The following MED27 variants were observed in gnomAD, a reference collection of about 807,000 sequenced individuals.
The protein encoded by MED27 is mediator of RNA polymerase II transcription subunit 27.
MED27 carries 30 observed loss-of-function variants against 38.2 expected under a neutral mutation model. The observed-to-expected ratio is 0.79, with a 90% CI of 0.59 to 1.07. The LOEUF (loss-of-function observed/expected upper bound fraction) is 1.07, where lower values mean the gene tolerates loss of function less well. Among genes scored for constraint, MED27 ranks in the 50% least tolerant of loss-of-function variants. MED27 has a pLI of 0.00. For synonymous variants in MED27, 122 were observed against 153.5 expected (o/e 0.79, Z 1.52); for missense variants, 289 against 397.5 (o/e 0.73, Z 2.32).
At chr9:132,041,794 C>A (rs1833219203) in intron 2 of MED27, among the ~76,000 whole-genome samples, 1 of 152,244 alleles carries the variant, frequency 6.6e-6, no homozygotes, top group African/African-American at 2.4e-5. Context: ...TACGTGCAAA[C>A]ACGTTCGTGG....
chr9:131,944,052 T>A (rs1158216432), intron 3 of MED27, among the ~76,000 whole-genome samples: 1 of 152,124 alleles, frequency 6.6e-6, no homozygotes, highest in Admixed American at 6.5e-5. Flanking sequence ...AACCATCTCT[T>A]CCAGAAGGAC....
At chr9:131,891,207 C>T (rs1215864095) in intron 5 of MED27, among the ~76,000 whole-genome samples, 1 of 152,046 alleles carries the variant, frequency 6.6e-6, no homozygotes, top group African/African-American at 2.4e-5. Context: ...GGGCAAAAGG[C>T]ACAAAACGTG....
chr9:131,895,761 C>G (rs1283513308), intron 4 of MED27, among the ~76,000 whole-genome samples: 2 of 152,162 alleles, frequency 1.3e-5, no homozygotes, highest in African/African-American at 4.8e-5. Context: ...TATGTCCAAT[C>G]AATGGGTCAT....
chr9:132,075,384 C>T (rs1834023237), intron 2 of MED27, among the ~76,000 whole-genome samples: 1 of 152,204 alleles, frequency 6.6e-6, no homozygotes, highest in Non-Finnish European at 1.5e-5. Context: ...TGCTTAACCT[C>T]AGCAGGCCGG....
intron 2 of MED27, among the ~76,000 whole-genome samples, chr9:132,072,784 C>G (rs1403793907): frequency 6.6e-6 from 1 of 152,088 alleles, no homozygotes; most frequent in Non-Finnish European, 1.5e-5. Flanking sequence ...AAGTGATTTT[C>G]TCTCCTATTA....
intron 4 of MED27, among the ~76,000 whole-genome samples, chr9:131,897,735 C>T (rs1023107521): frequency 9.2e-5 from 14 of 152,084 alleles, no homozygotes; most frequent in Non-Finnish European, 1.9e-4. Context: ...TTCATTTACT[C>T]GTGTATATGT....
At chr9:131,950,623 C>G (rs1013615096) in intron 3 of MED27, among the ~76,000 whole-genome samples, 1 of 152,130 alleles carries the variant, frequency 6.6e-6, no homozygotes, top group Non-Finnish European at 1.5e-5. Flanking sequence ...CTAGTCATAA[C>G]CATACATTAA....
chr9:131,981,918 T>C (rs1831745807), intron 3 of MED27, among the ~76,000 whole-genome samples: 1 of 152,140 alleles, frequency 6.6e-6, no homozygotes, highest in Non-Finnish European at 1.5e-5. Flanking sequence ...GGGACTCCAG[T>C]CAGGAGGAAA....
intron 3 of MED27, among the ~76,000 whole-genome samples, chr9:132,006,620 C>T (rs1832362336): frequency 6.6e-6 from 1 of 151,700 alleles, no homozygotes. Flanking sequence ...ACTGCAGAAA[C>T]CTGGAGTTTT....
intron 2 of MED27, among the ~76,000 whole-genome samples, chr9:132,070,474 T>G (rs1833913386): frequency 6.6e-6 from 1 of 152,172 alleles, no homozygotes; most frequent in African/African-American, 2.4e-5. Flanking sequence ...GGAAGACCTC[T>G]TGAGCCCATA....
chr9:132,068,532 C>T (rs1374844134), intron 2 of MED27, among the ~76,000 whole-genome samples: 1 of 151,930 alleles, frequency 6.6e-6, no homozygotes, highest in Non-Finnish European at 1.5e-5. Flanking sequence ...AATGGAGGCC[C>T]GGGGAGAGGC....
rs1832126434 is a variant in MED27, at chr9:131,997,858, TCATTATTAAC to T, written c.479+16469_479+16478del. On this transcript the variant is annotated intron_variant, in intron 3 of 7. Coordinates refer to ENST00000292035, the MANE Select transcript of MED27 (RefSeq NM_004269.4). The surrounding 1 kb of genome is among the most constrained non-coding windows in gnomAD (Gnocchi z 4.0). ...ACATGAGTGCTCTATGCGGTGGCTT[TCATTATTAAC>T]CAGTCCGATGGTGTTCCTTCCCTCA... Among the ~76,000 whole-genome samples the T allele has an allele frequency of 6.6e-6, 1 of 152,172 alleles. No homozygotes were observed. Among genetic ancestry groups the T allele is most frequent in the Non-Finnish European group, 1.5e-5 (1 of 68,026 alleles).
intron 4 of MED27, among the ~76,000 whole-genome samples, chr9:131,933,052 G>A (rs973964936): frequency 6.6e-6 from 1 of 152,014 alleles, no homozygotes; most frequent in Non-Finnish European, 1.5e-5. Flanking sequence ...AAAAACATTT[G>A]ATAAAAACCA....
chr9:131,887,413 T>C (rs1328165140), intron 5 of MED27, among the ~76,000 whole-genome samples: 1 of 152,138 alleles, frequency 6.6e-6, no homozygotes, highest in African/African-American at 2.4e-5. Flanking sequence ...CTGGTGCGCA[T>C]GGGTGAAAAA....
rs76006957 is a variant in MED27, at chr9:131,977,160, C to G, written c.479+37177G>C. Among the ~76,000 whole-genome samples the G allele has an allele frequency of 5.5e-3, 843 of 152,300 alleles. 11 individuals carry two copies. Among genetic ancestry groups the G allele is most frequent in the African/African-American group, 0.019 (804 of 41,562 alleles). ...CTGGAACCGTATTCAAAAGTTGCTT[C>G]TTCAGGAACTCCGCGTGTGCCACAT... On this transcript the variant is annotated intron_variant, in intron 3 of 7. Coordinates refer to ENST00000292035, the MANE Select transcript of MED27 (RefSeq NM_004269.4).
chr9:131,959,910 G>A lies in MED27; in HGVS notation c.480-20436C>T, dbSNP rs145317860. ...TTACTAGAAATTTCTGAAGAAACTT[G>A]TAACTAGAAGGAACTATTGCAACTA... On this transcript the variant is annotated intron_variant, in intron 3 of 7. Coordinates refer to ENST00000292035, the MANE Select transcript of MED27 (RefSeq NM_004269.4). Among the ~76,000 whole-genome samples, 148 of 152,222 alleles carry A rather than the reference G, an allele frequency of 9.7e-4. 3 individuals carry two copies. The East Asian group carries it at 0.012, about 12-fold the overall frequency.
At chr9:131,947,786 C>T (rs1830912558) in intron 3 of MED27, among the ~76,000 whole-genome samples, 1 of 152,254 alleles carries the variant, frequency 6.6e-6, no homozygotes, top group South Asian at 2.1e-4. Context: ...TTACCCCACA[C>T]AATGTGTAAA....
At chr9:131,966,633 G>C (rs747361446) in intron 3 of MED27, among the ~76,000 whole-genome samples, 2 of 152,086 alleles carry the variant, frequency 1.3e-5, no homozygotes, top group Non-Finnish European at 2.9e-5. Flanking sequence ...TTGAAAGCAA[G>C]AGCTTTGGAG....
intron 2 of MED27, among the ~76,000 whole-genome samples, chr9:132,024,197 G>A (rs1238551038): frequency 6.6e-6 from 1 of 152,148 alleles, no homozygotes; most frequent in Non-Finnish European, 1.5e-5. Flanking sequence ...GAAAGGCAAC[G>A]TTCAATCTTG....
Sources: gnomAD v4.1 joint callset for allele counts (sites outside exome capture counted in the v4.1 genomes callset) on GRCh38, gnomAD v4.1.1 for gene constraint, Gnocchi (gnomAD v3.1) non-coding constraint, MANE v1.5 for transcripts, NCBI Gene and HGNC (gene_info 2026-07-23, HGNC 2026-07-21) for gene names.